Variants in ZNF536 observed in about 807,000 individuals in gnomAD.
ZNF536 encodes zinc finger protein 536.
ZNF536 carries 13 observed loss-of-function variants against 84.5 expected under a neutral mutation model. The observed-to-expected ratio is 0.15, with a 90% CI of 0.10 to 0.24. The LOEUF (loss-of-function observed/expected upper bound fraction) is 0.24. ZNF536 is among the 10% of genes least tolerant of loss of function. The pLI is 1.00. For synonymous variants in ZNF536, 811 were observed against 742.5 expected, an observed-to-expected ratio of 1.09 and a Z score of -1.50; for missense variants, 1,536 against 1,747.5, an observed-to-expected ratio of 0.88 and a Z score of 2.16.
chr19:30,409,936 C>T (rs1370678714), intron 1 of ZNF536, among the ~76,000 whole-genome samples: 2 of 151,946 alleles, frequency 1.3e-5, no homozygotes, highest in African/African-American at 4.8e-5. Flanking sequence ...CTGTTTATGC[C>T]TTCTGTCTGG....
chr19:30,642,089 T>C (rs1600123414), intron 1 of ZNF536, among the ~76,000 whole-genome samples: 1 of 152,218 alleles, frequency 6.6e-6, no homozygotes, highest in African/African-American at 2.4e-5. Context: ...GGCGTGGGTG[T>C]TGGATTTTGG....
intron 1 of ZNF536, among the ~76,000 whole-genome samples, chr19:30,667,126 C>T (rs190060407): frequency 7.3e-4 from 111 of 152,314 alleles, no homozygotes; most frequent in African/African-American, 2.5e-3. Flanking sequence ...ACCTCGTTAG[C>T]ATCTCGCAGT....
intron 2 of ZNF536, among the ~76,000 whole-genome samples, chr19:30,511,777 T>C (rs1378914215): frequency 1.3e-5 from 2 of 152,208 alleles, no homozygotes; most frequent in Non-Finnish European, 2.9e-5. Flanking sequence ...AGAGCTTACA[T>C]GGGTGGGGTA....
intron 1 of ZNF536, among the ~76,000 whole-genome samples, chr19:30,234,572 T>C (rs1441031204): frequency 1.3e-5 from 2 of 151,972 alleles, no homozygotes; most frequent in African/African-American, 4.8e-5. Context: ...TGGCTAATTT[T>C]TGTGTTTTTA....
intron 1 of ZNF536, among the ~76,000 whole-genome samples, chr19:30,704,867 G>T (rs765557532): frequency 3.3e-5 from 5 of 151,416 alleles, no homozygotes; most frequent in Non-Finnish European, 5.9e-5. Flanking sequence ...CTTCAGGAGG[G>T]TCTCTGCTGT....
chr19:30,297,049 C>G (rs1316328690), intron 2 of ZNF536, among the ~76,000 whole-genome samples: 1 of 152,222 alleles, frequency 6.6e-6, no homozygotes, highest in Non-Finnish European at 1.5e-5. Context: ...AGGGAAGACC[C>G]TTCCAGTGGC....
At chr19:30,713,445 T>C (rs555290381) in exon 2 of ZNF536, 2 of 152,370 alleles carry the variant, frequency 1.3e-5, no homozygotes, top group African/African-American at 4.8e-5. Context: ...AAACTTTGTA[T>C]TTAAAGTTTA....
At chr19:30,533,564 C>T (rs540021431) in intron 2 of ZNF536, among the ~76,000 whole-genome samples, 20 of 152,034 alleles carry the variant, frequency 1.3e-4, no homozygotes, top group Non-Finnish European at 2.8e-4. Context: ...TCATCTTTCT[C>T]ATGGTCTACA....
rs76953426 is a variant in ZNF536 at position 30,426,635 on chromosome 19, C to A, written c.-2-16926C>A. Among the ~76,000 whole-genome samples, 428 of 152,270 alleles carry A rather than the reference C, an allele frequency of 2.8e-3. 3 individuals carry two copies. Among genetic ancestry groups the A allele is most frequent in the African/African-American group, 9.6e-3 (400 of 41,546 alleles). On this transcript the variant is annotated intron_variant, in intron 1 of 4. Transcript: ENST00000355537. ...AATATCTGAAGCTATTTAATGAGCA[C>A]CCACGCCTTGCCCTGGGTTGCAGGA...
rs144648071 is a variant in ZNF536 at position 30,588,109 on chromosome 19, T to G, written c.169+38595T>G. Among the ~76,000 whole-genome samples, 1,098 of 152,340 alleles carry G rather than the reference T, an allele frequency of 7.2e-3. 3 individuals carry two copies. The highest frequency in any genetic ancestry group is 0.011 in the Non-Finnish European group (731 of 68,028). On this transcript the variant is annotated intron_variant, in intron 1 of 1. Coordinates refer to the ZNF536 transcript ENST00000592773. ...CCAGTGAGCTCCCTCAGGCGGCAGC[T>G]GTGCTTTGAATCACAGATGCACCTG...
At chr19:30,437,691 A>G (rs2051815107) in intron 1 of ZNF536, among the ~76,000 whole-genome samples, 1 of 151,934 alleles carries the variant, frequency 6.6e-6, no homozygotes, top group Non-Finnish European at 1.5e-5. Flanking sequence ...GTGCTCAGAA[A>G]AGGTCAGGAC....
chr19:30,617,329 CTTACTTTTTTTTT>C (rs2048330691), intron 1 of ZNF536, among the ~76,000 whole-genome samples: 1 of 36,810 alleles, frequency 2.7e-5, no homozygotes. Context: ...ATCTGAATAG[CTTACTTTTTTTTT>C]TTTTTTTTTT....
At chr19:30,382,819 G>A (rs185279529) in intron 1 of ZNF536, among the ~76,000 whole-genome samples, 20 of 152,194 alleles carry the variant, frequency 1.3e-4, no homozygotes, top group Non-Finnish European at 2.8e-4. Context: ...TCTGACTTCT[G>A]AAGCACACAG....
At chr19:30,435,774 T>C (rs2051718454) in intron 1 of ZNF536, among the ~76,000 whole-genome samples, 1 of 152,120 alleles carries the variant, frequency 6.6e-6, no homozygotes, top group African/African-American at 2.4e-5. Flanking sequence ...CCAGAAGTCT[T>C]CTCTACTCAG....
chr19:30,681,526 G>A (rs544155802), intron 1 of ZNF536, among the ~76,000 whole-genome samples: 1 of 152,292 alleles, frequency 6.6e-6, no homozygotes, highest in Admixed American at 6.5e-5. Flanking sequence ...TCTTTCCCTG[G>A]TGTCCCTGGC....
intron 2 of ZNF536, among the ~76,000 whole-genome samples, chr19:30,335,154 G>T (rs1160836112): frequency 6.6e-6 from 1 of 152,182 alleles, no homozygotes; most frequent in African/African-American, 2.4e-5. Context: ...GAGCATGGAG[G>T]ATTTGGCACC....
At chr19:30,402,039 A>G (rs1037789422) in intron 1 of ZNF536, among the ~76,000 whole-genome samples, 2 of 152,246 alleles carry the variant, frequency 1.3e-5, no homozygotes, top group Admixed American at 6.5e-5. Context: ...ACAAATTCCA[A>G]TTGTGAAAAG....
intron 1 of ZNF536, among the ~76,000 whole-genome samples, chr19:30,401,620 C>T (rs1051702481): frequency 1.3e-5 from 2 of 152,178 alleles, no homozygotes; most frequent in African/African-American, 4.8e-5. Context: ...CAGATTTTTT[C>T]TATAATGGGG....
In ZNF536 at chr19:30,575,476, C is replaced by A. The variant is rs112521496; in HGVS notation, c.169+25962C>A. 2.5e-3 allele frequency among the ~76,000 whole-genome samples: 388 copies of A among 152,262 alleles called. 1 individual carries two copies. The highest frequency in any genetic ancestry group is 8.9e-3 in the African/African-American group (369 of 41,546). On this transcript the variant is annotated intron_variant, in intron 1 of 1. Transcript: ENST00000592773. ...CCACCATCTATTGCAGCAAGAGGAG[C>A]GAGACTGAGGGAGTAGCGACATCTG... is the stretch of plus-strand genomic sequence containing the variant.
Sources: allele counts gnomAD v4.1 joint callset (sites outside exome capture counted in the v4.1 genomes callset), GRCh38; gene constraint gnomAD v4.1.1; transcripts MANE v1.5; gene names NCBI Gene and HGNC (gene_info 2026-07-23, HGNC 2026-07-21).